The following TIMP3 variants were observed in gnomAD, a reference collection of about 807,000 sequenced individuals.
TIMP3 encodes metalloproteinase inhibitor 3.
In TIMP3, 11 loss-of-function variants were observed where a neutral mutation model predicts 30.0. That is an observed-to-expected ratio of 0.37 (90% confidence interval 0.23 to 0.61). TIMP3 has a LOEUF of 0.61. Among genes scored for constraint, TIMP3 ranks in the 20% least tolerant of loss-of-function variants. The pLI is 0.70. For missense variants in TIMP3, 181 were observed against 276.8 expected (o/e 0.65, Z 2.45); for synonymous variants, 112 against 111.3 (o/e 1.01, Z -0.04).
chr22:32,826,005 A>G (rs1328920407), intron 1 of TIMP3, among the ~76,000 whole-genome samples: 1 of 152,256 alleles, frequency 6.6e-6, no homozygotes. Flanking sequence ...TAATATAAAT[A>G]TAAAGCATAG....
intron 1 of TIMP3, among the ~76,000 whole-genome samples, chr22:32,807,338 ATAATATATAAATATATAATATAT>A (rs2046772300): frequency 6.8e-5 from 2 of 29,214 alleles, no homozygotes; most frequent in Non-Finnish European, 1.2e-4. Context: ...TAATTTATAT[ATAATATATAAATATATAATATAT>A]AATATATATT....
rs377663421 is a variant in TIMP3, at chr22:32,807,371, T to A, written c.121+5249T>A. Among the ~76,000 whole-genome samples, 358 of 111,196 alleles carry A rather than the reference T, an allele frequency of 3.2e-3. 3 individuals are homozygous for A. The highest frequency in any genetic ancestry group is 5.3e-3 in the Non-Finnish European group (307 of 58,472). 72.9% of individuals were successfully genotyped at this position (111,196 alleles called of 152,430 possible). ...TAAATATATAATATATAATATATAT[T>A]ATATATAATATATATTATATATAAT... On this transcript the variant is annotated intron_variant, in intron 1 of 4. Transcript: ENST00000266085.
intron 1 of TIMP3, among the ~76,000 whole-genome samples, chr22:32,820,732 A>G (rs1412391195): frequency 6.6e-6 from 1 of 152,078 alleles, no homozygotes; most frequent in Non-Finnish European, 1.5e-5. Context: ...GGGGCTTGGG[A>G]TATGTTTTAG....
At chr22:32,848,607 T>C (rs558349493) in intron 1 of TIMP3, among the ~76,000 whole-genome samples, 1 of 152,352 alleles carries the variant, frequency 6.6e-6, no homozygotes, top group South Asian at 2.1e-4. Context: ...ATGATGATGA[T>C]ATTAATAATA....
At chr22:32,858,579 T>G (rs966882686) in intron 4 of TIMP3, among the ~76,000 whole-genome samples, 2 of 152,090 alleles carry the variant, frequency 1.3e-5, no homozygotes, top group African/African-American at 4.8e-5. Flanking sequence ...ACAGAAGGTC[T>G]CTCTTTACCA....
At chr22:32,818,709 A>G (rs114961939) in intron 1 of TIMP3, among the ~76,000 whole-genome samples, 1,701 of 152,272 alleles carry the variant, frequency 0.011, 33 homozygotes, top group African/African-American at 0.038. Context: ...AACTGCAGTC[A>G]GAAAAGCTGA....
At chr22:32,825,760 A>G (rs2047391918) in intron 1 of TIMP3, among the ~76,000 whole-genome samples, 1 of 151,172 alleles carries the variant, frequency 6.6e-6, no homozygotes, top group Non-Finnish European at 1.5e-5. Context: ...ATGTGCATGT[A>G]CAGATATAAA....
intron 1 of TIMP3, 123 bp from the exon 2 acceptor site, chr22:32,849,329 G>T: frequency 1.3e-6 from 1 of 781,168 alleles, no homozygotes; most frequent in Admixed American, 2.0e-5. Flanking sequence ...ATCTATTCCA[G>T]TTGGCTCCAA....
chr22:32,801,883 A>G lies in TIMP3; in HGVS notation c.-119A>G. 1 of 1,306,702 alleles carries G rather than the reference A, an allele frequency of 7.7e-7. No individual in the cohort carries two copies. Among genetic ancestry groups the G allele is most frequent in the Admixed American group, 4.0e-5 (1 of 25,072 alleles). The allele number at this position is 1,306,702 out of a possible 1,614,324, so 80.9% of individuals were successfully genotyped here. ...TCGGAGGGCAGCGCGCCGGAGGCCA[A>G]GGTTGCCCCGCACGGCCCGGCGGGC... On this transcript the variant is annotated 5_prime_UTR_variant, in exon 1 of 5. Transcript: ENST00000266085. This position sits in a 1 kb window ranked among gnomAD's most constrained non-coding sequence, Gnocchi z 4.7.
chr22:32,816,008 T>C (rs1312546944), intron 1 of TIMP3, among the ~76,000 whole-genome samples: 1 of 152,212 alleles, frequency 6.6e-6, no homozygotes, highest in Non-Finnish European at 1.5e-5. Context: ...AGGGAGGTTT[T>C]TGACCCCAGC....
intron 2 of TIMP3, among the ~76,000 whole-genome samples, chr22:32,851,100 G>A (rs2048205230): frequency 6.6e-6 from 1 of 152,160 alleles, no homozygotes; most frequent in Admixed American, 6.5e-5. Context: ...CCTGGGGAGA[G>A]AAAAATGGGC....
chr22:32,823,359 G>T (rs1405449393), intron 1 of TIMP3, among the ~76,000 whole-genome samples: 2 of 152,190 alleles, frequency 1.3e-5, no homozygotes, highest in East Asian at 1.9e-4. Flanking sequence ...GGATGTTTCT[G>T]TTGGGAGCTG....
At chr22:32,854,885 G>T (rs950213548) in intron 2 of TIMP3, among the ~76,000 whole-genome samples, 2 of 152,024 alleles carry the variant, frequency 1.3e-5, no homozygotes, top group East Asian at 3.9e-4. Context: ...AACTCAGTAG[G>T]TCCAACAGAC....
intron 1 of TIMP3, among the ~76,000 whole-genome samples, chr22:32,829,883 C>T (rs1285765431): frequency 6.6e-6 from 1 of 152,226 alleles, no homozygotes; most frequent in African/African-American, 2.4e-5. Flanking sequence ...GACCAAGATG[C>T]GACCCTGACA....
chr22:32,857,405 C>T (rs764994733), intron 3 of TIMP3, 45 bp downstream of exon 3: 34 of 1,457,400 alleles, frequency 2.3e-5, no homozygotes, highest in Non-Finnish European at 3.1e-5. Context: ...GGCCAAGGTC[C>T]ACTGTTTCTT....
intron 1 of TIMP3, among the ~76,000 whole-genome samples, chr22:32,841,784 T>C (rs866873512): frequency 6.6e-6 from 1 of 152,034 alleles, no homozygotes; most frequent in Non-Finnish European, 1.5e-5. Context: ...ATCACTATGG[T>C]ACATGTTTAC....
chr22:32,810,441 G>T (rs151326228), intron 1 of TIMP3, among the ~76,000 whole-genome samples: 1 of 151,790 alleles, frequency 6.6e-6, no homozygotes, highest in Non-Finnish European at 1.5e-5. Context: ...GGGTGGGGAA[G>T]GGAAGGAAAG....
chr22:32,857,873 T>C (rs1346320148), intron 3 of TIMP3, 144 bp from the exon 4 acceptor site: 1 of 1,241,436 alleles, frequency 8.1e-7, no homozygotes, highest in Non-Finnish European at 1.2e-6. Flanking sequence ...TAAAAGGTGT[T>C]GGGTAGGGTG....
chr22:32,814,339 G>GAAAGAAAGGAAGGAAGAA, intron 1 of TIMP3, among the ~76,000 whole-genome samples: 1 of 10,360 alleles, frequency 9.7e-5, no homozygotes, highest in African/African-American at 2.0e-4. Context: ...AAGAAAGAAA[G>GAAAGAAAGGAAGGAAGAA]AGAAAGAAAG....
Sources: allele counts gnomAD v4.1 joint callset (sites outside exome capture counted in the v4.1 genomes callset), GRCh38; gene constraint gnomAD v4.1.1; non-coding constraint Gnocchi (gnomAD v3.1); transcripts MANE v1.5; gene names NCBI Gene and HGNC (gene_info 2026-07-23, HGNC 2026-07-21).